The following QRSL1 variants were observed in gnomAD, a reference collection of about 807,000 sequenced individuals.
QRSL1 encodes glutamyl-tRNA(Gln) amidotransferase subunit A, mitochondrial.
QRSL1 carries 54 observed loss-of-function variants against 61.6 expected under a neutral mutation model. The ratio of observed to expected loss-of-function variants is 0.88; its 90% CI spans 0.70 to 1.10. The LOEUF is 1.10. Ranked by LOEUF, QRSL1 falls within the 50% of genes least tolerant of loss-of-function variation. The pLI, the probability that QRSL1 is intolerant of heterozygous loss-of-function variation, is 0.00. For synonymous variants in QRSL1, 228 were observed against 225.7 expected, an observed-to-expected ratio of 1.01 and a Z score of -0.09; for missense variants, 505 against 622.6, an observed-to-expected ratio of 0.81 and a Z score of 2.01.
chr6:106,661,397 G>T (rs976197915), intron 9 of QRSL1, among the ~76,000 whole-genome samples: 1 of 151,994 alleles, frequency 6.6e-6, no homozygotes, highest in South Asian at 2.1e-4. Flanking sequence ...TACAACATGA[G>T]CCACCAGGCC....
At chr6:106,654,468 ATTTTCCCC>A in intron 7 of QRSL1, among the ~76,000 whole-genome samples, 1 of 67,708 alleles carries the variant, frequency 1.5e-5, no homozygotes, top group African/African-American at 4.6e-5. Context: ...TTTAACAAAT[ATTTTCCCC>A]AACCAGATCT....
At chr6:106,655,514 CAA>C (rs35970346) in intron 8 of QRSL1, 99 bp from the exon 9 acceptor site, 8,907 of 413,320 alleles carry the variant, frequency 0.022, no homozygotes, top group East Asian at 0.035. Flanking sequence ...GACTCCATCT[CAA>C]AAAAAAAAAA....
Position 106,640,342 on chromosome 6 carries a change from A to C in QRSL1, c.25-7A>C. 1 of 1,609,146 alleles carries C rather than the reference A, an allele frequency of 6.2e-7. No individual in the cohort carries two copies. The highest frequency in any genetic ancestry group is 1.7e-5 in the Admixed American group (1 of 59,708). On this transcript the variant is annotated splice_polypyrimidine_tract_variant and splice_region_variant and intron_variant, in intron 1 of 10. Transcript: ENST00000369046. ...AGTAAAAGGTTTTTGAATTGTATAC[A>C]CTATAGGTTTCTGCGGCACTGAAAC...
intron 1 of QRSL1, 35 bp from the exon 2 acceptor site, chr6:106,640,314 C>T (rs373795955): frequency 6.5e-7 from 1 of 1,545,938 alleles, no homozygotes; most frequent in Non-Finnish European, 8.8e-7. Flanking sequence ...CTTCTGCAGA[C>T]TCAGTAAAAG....
At position 106,654,932 on chromosome 6, in the gene QRSL1, C is replaced by A. The variant is rs199810672; in HGVS notation, c.1042+10C>A. 8.4e-6 allele frequency: 13 copies of A among 1,544,884 alleles called. No individual in the cohort carries two copies. The highest frequency in any genetic ancestry group is 1.0e-5 in the Non-Finnish European group (12 of 1,147,158). On this transcript the variant is annotated intron_variant, in intron 8 of 10. Transcript: ENST00000369046. The stretch of plus-strand genomic sequence containing the variant: ...GATGGGCTACAATATGGTAAGATGG[C>A]TGGGTTATTTTATTTTTAAGGTAGT...
intron 4 of QRSL1, 118 bp downstream of exon 4, chr6:106,643,208 TTA>T: frequency 1.4e-6 from 1 of 706,240 alleles, no homozygotes; most frequent in Non-Finnish European, 2.4e-6. Flanking sequence ...CTCTGTGAGA[TTA>T]TGTTATGTTG....
intron 2 of QRSL1, 55 bp from the exon 3 acceptor site, chr6:106,640,768 G>A (rs1777004575): frequency 2.1e-6 from 3 of 1,425,284 alleles, no homozygotes; most frequent in Non-Finnish European, 3.0e-6. Context: ...ATGTATTCAT[G>A]TATCTTTATA....
chr6:106,640,557 A>C, intron 2 of QRSL1, 49 bp downstream of exon 2: 1 of 1,435,814 alleles, frequency 7.0e-7, no homozygotes, highest in Non-Finnish European at 9.3e-7. Context: ...AGAGAAGTTT[A>C]ATTGTTTGTA....
chr6:106,629,942 C>G (rs1195505450), intron 1 of QRSL1, among the ~76,000 whole-genome samples: 2 of 152,014 alleles, frequency 1.3e-5, no homozygotes, highest in African/African-American at 4.8e-5. Flanking sequence ...GAAGCGGCTT[C>G]TCACCATTAG....
At position 106,640,831 on chromosome 6, in the gene QRSL1, C is replaced by G. The variant is rs370943658; in HGVS notation, c.193C>G (p.Leu65Val). 6.2e-7 allele frequency: 1 copy of G among 1,613,292 alleles called. No individual in the cohort carries two copies. Among genetic ancestry groups the G allele is most frequent in the Admixed American group, 1.7e-5 (1 of 59,966 alleles). ...TTGGCTTTTTAATGCAGGACAGTCACTTGGGGATTTAGATGGAATTCCTAT... is the reference window on the plus strand; with the variant it reads ...TTGGCTTTTTAATGCAGGACAGTCAGTTGGGGATTTAGATGGAATTCCTAT... The part of the protein sequence containing the change: ...SEKRYKNGQS[L>V]GDLDGIPIAV... The change falls in exon 3 of 11, where the codon CTT becomes GTT. Residue 65 changes from leucine (L) to valine (V), a missense_variant. Physicochemically the swap from Leu to Val is conservative, Grantham distance 32. Transcript: ENST00000369046.
chr6:106,639,111 GTTTTGTTGTTT>G (rs1776968460), intron 1 of QRSL1, among the ~76,000 whole-genome samples: 6 of 60,754 alleles, frequency 9.9e-5, no homozygotes, highest in African/African-American at 4.0e-4. Context: ...TTATTTGTGT[GTTTTGTTGTTT>G]TTTTTTTTTT....
At position 106,663,143 on chromosome 6, in the gene QRSL1, A is replaced by G; in HGVS notation, c.1324A>G (p.Ser442Gly). The G allele has an allele frequency of 6.2e-7, 1 of 1,614,200 alleles. No homozygotes were observed. Among genetic ancestry groups the G allele is most frequent in the African/African-American group, 1.3e-5 (1 of 75,052 alleles). Residue 442 changes from serine to glycine, a missense_variant, in exon 10 of 11, where the codon AGT becomes GGT. Coordinates refer to ENST00000369046, the MANE Select transcript of QRSL1 (RefSeq NM_018292.5). ...EFIKEDNRTR[S>G]AQDDIFTQAV... ...CATCAAAGAGGACAACAGAACCCGA[A>G]GTGCCCAGGATGATATTTTTACACA... is the stretch of plus-strand genomic sequence containing the variant.
At chr6:106,654,995 A>G in intron 8 of QRSL1, 73 bp downstream of exon 8, 1 of 1,339,764 alleles carries the variant, frequency 7.5e-7, no homozygotes, top group Non-Finnish European at 1.0e-6. Context: ...ATTAGTGACA[A>G]AAAAGTTAAT....
At chr6:106,631,040 C>G (rs1776813845) in intron 1 of QRSL1, among the ~76,000 whole-genome samples, 1 of 152,138 alleles carries the variant, frequency 6.6e-6, no homozygotes, top group South Asian at 2.1e-4. Flanking sequence ...TCCTGGCTAA[C>G]ACGGTGAAAC....
At chr6:106,634,837 ATTG>A (rs1449564149) in intron 1 of QRSL1, among the ~76,000 whole-genome samples, 5 of 152,038 alleles carry the variant, frequency 3.3e-5, no homozygotes, top group Admixed American at 6.6e-5. Flanking sequence ...GGGAGTGGAT[ATTG>A]TTTTTTAAGT....
At chr6:106,659,334 G>A (rs760562923) in intron 9 of QRSL1, among the ~76,000 whole-genome samples, 4 of 151,910 alleles carry the variant, frequency 2.6e-5, no homozygotes, top group Admixed American at 6.6e-5. Context: ...GTGGGAAGGC[G>A]TATGCCTGTA....
At chr6:106,634,137 G>A (rs1345110193) in intron 1 of QRSL1, among the ~76,000 whole-genome samples, 2 of 152,120 alleles carry the variant, frequency 1.3e-5, no homozygotes, top group African/African-American at 4.8e-5. Context: ...GGAACACTGG[G>A]CAGATCTGAG....
intron 7 of QRSL1, 135 bp downstream of exon 7, chr6:106,652,717 T>G: frequency 6.5e-7 from 1 of 1,547,544 alleles, no homozygotes; most frequent in Non-Finnish European, 8.7e-7. Context: ...GTATGTGACT[T>G]AATCTCTTTT....
At chr6:106,663,315 A>AGT in intron 10 of QRSL1, 130 bp downstream of exon 10, 5 of 755,028 alleles carry the variant, frequency 6.6e-6, no homozygotes, top group Non-Finnish European at 1.1e-5. Flanking sequence ...CTTAGGAGTG[A>AGT]GTGTGTGTGT....
Sources: allele counts gnomAD v4.1 joint callset (sites outside exome capture counted in the v4.1 genomes callset), GRCh38; gene constraint gnomAD v4.1.1; transcripts MANE v1.5; gene names NCBI Gene and HGNC (gene_info 2026-07-23, HGNC 2026-07-21).